The following QTGAL variants were observed in gnomAD, a reference collection of about 807,000 sequenced individuals.
QTGAL encodes the protein queuosine-tRNA galactosyltransferase.
the QTGAL span, among the ~76,000 whole-genome samples, chr17:83,028,222 C>G: frequency 6.6e-6 from 1 of 152,052 alleles, no homozygotes; most frequent in African/African-American, 2.4e-5. Flanking sequence ...GGCCAATAAA[C>G]CCACGAAAAG....
chr17:83,040,461 T>G, the QTGAL span, among the ~76,000 whole-genome samples: 1 of 152,148 alleles, frequency 6.6e-6, no homozygotes, highest in Non-Finnish European at 1.5e-5. Context: ...AAGCTAATCA[T>G]TCAACATAAA....
chr17:83,026,616 A>G, the QTGAL span, among the ~76,000 whole-genome samples: 1 of 151,058 alleles, frequency 6.6e-6, no homozygotes, highest in African/African-American at 2.4e-5. Context: ...ATCGACCGAT[A>G]CACAGAGGAG....
the QTGAL span, among the ~76,000 whole-genome samples, chr17:83,047,110 C>T: frequency 0.38 from 57,470 of 152,080 alleles, 11,335 homozygotes; most frequent in East Asian, 0.58. Context: ...GCAGAAGGGG[C>T]TTCTCACAGT....
chr17:82,996,719 T>C, the QTGAL span, among the ~76,000 whole-genome samples: 1 of 152,128 alleles, frequency 6.6e-6, no homozygotes, highest in East Asian at 1.9e-4. Context: ...TGGAACAGAA[T>C]AGAGAACCCA....
the QTGAL span, among the ~76,000 whole-genome samples, chr17:82,952,756 C>T: frequency 6.6e-6 from 1 of 152,230 alleles, no homozygotes; most frequent in Non-Finnish European, 1.5e-5. Context: ...ACATTCTTCT[C>T]AGCACCACAC....
the QTGAL span, among the ~76,000 whole-genome samples, chr17:83,019,804 G>C: frequency 6.6e-6 from 1 of 152,028 alleles, no homozygotes; most frequent in Admixed American, 6.6e-5. Flanking sequence ...CGCAATCTTG[G>C]CTCACTGCAA....
the QTGAL span, among the ~76,000 whole-genome samples, chr17:83,007,615 T>C: frequency 3.3e-5 from 5 of 152,070 alleles, no homozygotes; most frequent in East Asian, 9.7e-4. Context: ...CCTGAGAGCC[T>C]GGATCCCGCT....
the QTGAL span, among the ~76,000 whole-genome samples, chr17:83,000,137 AT>A: frequency 6.6e-6 from 1 of 151,768 alleles, no homozygotes; most frequent in Non-Finnish European, 1.5e-5. Context: ...TAATTTTTGT[AT>A]TTTTAGTAGG....
the QTGAL span, among the ~76,000 whole-genome samples, chr17:83,029,601 A>C: frequency 6.6e-6 from 1 of 152,172 alleles, no homozygotes; most frequent in Middle Eastern, 3.2e-3. Context: ...TAATTAGGGA[A>C]GAGAAGTCAG....
At chr17:82,972,372 C>T in the QTGAL span, among the ~76,000 whole-genome samples, 783 of 57,726 alleles carry the variant, frequency 0.014, no homozygotes, top group African/African-American at 0.029. Flanking sequence ...TAGAAGGACC[C>T]AGTACTGACC....
At chr17:83,044,986 G>T in the QTGAL span, among the ~76,000 whole-genome samples, 4,631 of 150,616 alleles carry the variant, frequency 0.031, 247 homozygotes, top group African/African-American at 0.11. Flanking sequence ...AAAAGGAGAA[G>T]CAAAACTATC....
the QTGAL span, chr17:82,943,729 C>CTGTT: frequency 6.6e-6 from 1 of 152,240 alleles, no homozygotes; most frequent in African/African-American, 2.4e-5. Context: ...TAACACACTA[C>CTGTT]TGTTGTTGTG....
chr17:82,945,524 A>C, the QTGAL span: 9 of 152,246 alleles, frequency 5.9e-5, no homozygotes, highest in African/African-American at 2.2e-4. Flanking sequence ...TGCTGAGAGA[A>C]AATAGCTGTC....
chr17:82,987,331 G>T, the QTGAL span, among the ~76,000 whole-genome samples: 1 of 152,044 alleles, frequency 6.6e-6, no homozygotes, highest in Admixed American at 6.5e-5. Context: ...TTAAAAAGAA[G>T]ACTTATTTGA....
the QTGAL span, among the ~76,000 whole-genome samples, chr17:83,002,316 C>T: frequency 6.6e-6 from 1 of 152,196 alleles, no homozygotes; most frequent in African/African-American, 2.4e-5. Context: ...TGGGCTGAAA[C>T]TCAACATGTG....
At chr17:83,028,114 C>T in the QTGAL span, among the ~76,000 whole-genome samples, 1 of 151,688 alleles carries the variant, frequency 6.6e-6, no homozygotes, top group Admixed American at 6.6e-5. Flanking sequence ...TCATCTCCCT[C>T]AGAACGACCT....
the QTGAL span, among the ~76,000 whole-genome samples, chr17:82,962,449 G>T: frequency 6.6e-6 from 1 of 151,534 alleles, no homozygotes; most frequent in Non-Finnish European, 1.5e-5. Context: ...TCTCACACGG[G>T]TGATTTAGGG....
the QTGAL span, among the ~76,000 whole-genome samples, chr17:82,999,105 A>G: frequency 6.6e-6 from 1 of 152,246 alleles, no homozygotes; most frequent in African/African-American, 2.4e-5. Context: ...CATCCCTACC[A>G]TATGAACCAG....
At chr17:82,942,235 C>T in the QTGAL span, 3 of 608,504 alleles carry the variant, frequency 4.9e-6, no homozygotes, top group African/African-American at 1.9e-5. Context: ...TCCCTTCCCG[C>T]TCCCCAGATG....
Sources: gnomAD v4.1 joint callset for allele counts (sites outside exome capture counted in the v4.1 genomes callset) on GRCh38, gnomAD v4.1.1 for gene constraint, MANE v1.5 for transcripts, NCBI Gene and HGNC (gene_info 2026-07-23, HGNC 2026-07-21) for gene names.